Variants in ATOSA observed in about 807,000 individuals in gnomAD.
ATOSA encodes atos homolog A.
chr15:52,612,075 C>T, the ATOSA span, among the ~76,000 whole-genome samples: 1 of 152,092 alleles, frequency 6.6e-6, no homozygotes, highest in Non-Finnish European at 1.5e-5. Flanking sequence ...ACCTCTGCCT[C>T]CTAGGTTCAA....
At chr15:52,653,863 T>G in the ATOSA span, among the ~76,000 whole-genome samples, 3 of 152,204 alleles carry the variant, frequency 2.0e-5, no homozygotes, top group Non-Finnish European at 2.9e-5. Flanking sequence ...CCATTTATAT[T>G]TTTATACAAT....
the ATOSA span, among the ~76,000 whole-genome samples, chr15:52,594,611 A>G: frequency 6.6e-6 from 1 of 152,210 alleles, no homozygotes; most frequent in Non-Finnish European, 1.5e-5. Flanking sequence ...AGATAAAGCC[A>G]AAAGACCTGG....
the ATOSA span, among the ~76,000 whole-genome samples, chr15:52,699,617 A>G: frequency 6.6e-6 from 1 of 151,496 alleles, no homozygotes; most frequent in African/African-American, 2.4e-5. Flanking sequence ...ATGCCATTCC[A>G]CTTGAGTGGT....
At chr15:52,613,880 G>C in the ATOSA span, 1 of 1,602,472 alleles carries the variant, frequency 6.2e-7, no homozygotes, top group Non-Finnish European at 8.5e-7. Flanking sequence ...AGGGGCAAAG[G>C]GTCCTCAATT....
the ATOSA span, chr15:52,609,952 C>A: frequency 4.3e-6 from 7 of 1,612,514 alleles, no homozygotes; most frequent in African/African-American, 1.3e-5. Context: ...ACCTATACCA[C>A]TAAAGCCTAG....
the ATOSA span, among the ~76,000 whole-genome samples, chr15:52,635,822 C>A: frequency 6.6e-6 from 1 of 151,738 alleles, no homozygotes; most frequent in East Asian, 1.9e-4. Flanking sequence ...ACGGTGAAAC[C>A]CCATCTCTAC....
the ATOSA span, among the ~76,000 whole-genome samples, chr15:52,661,815 A>G: frequency 3.3e-5 from 5 of 149,660 alleles, no homozygotes; most frequent in Admixed American, 6.8e-5. Flanking sequence ...AGGCATAGGT[A>G]TGTTCTTTAC....
At chr15:52,597,173 CTATT>C in the ATOSA span, among the ~76,000 whole-genome samples, 4 of 5,578 alleles carry the variant, frequency 7.2e-4, no homozygotes, top group African/African-American at 2.5e-3. Flanking sequence ...CTGTTCTATT[CTATT>C]CTATTCTATT....
chr15:52,600,958 A>C, the ATOSA span: 75 of 655,324 alleles, frequency 1.1e-4, no homozygotes, highest in East Asian at 2.2e-3. Flanking sequence ...GCGTGTGTAC[A>C]TGGTATCATA....
At chr15:52,697,080 A>T in the ATOSA span, among the ~76,000 whole-genome samples, 1 of 152,200 alleles carries the variant, frequency 6.6e-6, no homozygotes, top group Admixed American at 6.5e-5. Context: ...AGGTTCTCCC[A>T]TCTTCACTTG....
At chr15:52,664,116 A>T in the ATOSA span, among the ~76,000 whole-genome samples, 1 of 152,142 alleles carries the variant, frequency 6.6e-6, no homozygotes, top group African/African-American at 2.4e-5. Flanking sequence ...ACAGAAGGCC[A>T]CTCTGCCTTG....
chr15:52,584,132 A>G, the ATOSA span, among the ~76,000 whole-genome samples: 1 of 147,426 alleles, frequency 6.8e-6, no homozygotes, highest in Non-Finnish European at 1.5e-5. Context: ...AATGATTTAT[A>G]TGGCTCATAT....
At chr15:52,622,528 A>G in the ATOSA span, among the ~76,000 whole-genome samples, 136,710 of 152,214 alleles carry the variant, frequency 0.9, 61,456 homozygotes, top group East Asian at 1. Flanking sequence ...TGTTGTGATG[A>G]CACAGAAAAA....
chr15:52,697,258 C>T, the ATOSA span, among the ~76,000 whole-genome samples: 1 of 152,202 alleles, frequency 6.6e-6, no homozygotes, highest in Admixed American at 6.5e-5. Context: ...GAAACTCTTG[C>T]TTCATCTTCA....
At chr15:52,590,136 T>C in the ATOSA span, among the ~76,000 whole-genome samples, 1 of 152,132 alleles carries the variant, frequency 6.6e-6, no homozygotes, top group East Asian at 1.9e-4. Context: ...ATAAATATGC[T>C]CAAAATCTTA....
chr15:52,615,272 A>T, the ATOSA span, among the ~76,000 whole-genome samples: 1 of 152,196 alleles, frequency 6.6e-6, no homozygotes, highest in African/African-American at 2.4e-5. Flanking sequence ...ATTTCTCATG[A>T]GTGCTCTTAG....
At chr15:52,667,883 G>T in the ATOSA span, among the ~76,000 whole-genome samples, 3 of 152,190 alleles carry the variant, frequency 2.0e-5, no homozygotes, top group Non-Finnish European at 4.4e-5. Flanking sequence ...GGTTAGAATG[G>T]CTGGAGACAA....
At chr15:52,704,897 C>T in the ATOSA span, among the ~76,000 whole-genome samples, 5 of 152,198 alleles carry the variant, frequency 3.3e-5, no homozygotes, top group African/African-American at 1.2e-4. Context: ...CACTTTTACA[C>T]TGTTGGTGGG....
chr15:52,616,820 G>T, the ATOSA span, among the ~76,000 whole-genome samples: 1 of 152,206 alleles, frequency 6.6e-6, no homozygotes, highest in Non-Finnish European at 1.5e-5. Flanking sequence ...TATAGTGAAT[G>T]AGAGAAACAA....
Sources: gnomAD v4.1 joint callset for allele counts (sites outside exome capture counted in the v4.1 genomes callset) on GRCh38, gnomAD v4.1.1 for gene constraint, MANE v1.5 for transcripts, NCBI Gene and HGNC (gene_info 2026-07-23, HGNC 2026-07-21) for gene names.